MACROD2: variants seen among roughly 807,000 people sequenced by gnomAD.
MACROD2 encodes the protein mono-ADP ribosylhydrolase 2, also known as ADP-ribose glycohydrolase MACROD2.
A neutral mutation model predicts 70.4 loss-of-function variants in MACROD2; 36 were observed. The ratio of observed to expected loss-of-function variants is 0.51; its 90% CI spans 0.39 to 0.68. The LOEUF is 0.68. Ranked by LOEUF, MACROD2 falls within the 30% of genes least tolerant of loss-of-function variation. The pLI is 0.00. For synonymous variants in MACROD2, 172 were observed against 178.8 expected (o/e 0.96, Z 0.30); for missense variants, 496 against 538.4 (o/e 0.92, Z 0.78).
intron 8 of MACROD2, among the ~76,000 whole-genome samples, chr20:15,688,048 G>T (rs1316731839): frequency 6.6e-6 from 1 of 152,060 alleles, no homozygotes; most frequent in Non-Finnish European, 1.5e-5. Context: ...CATGCCCATT[G>T]CCTGAGGCCA....
At chr20:15,846,911 T>TTA (rs33993940) in intron 8 of MACROD2, among the ~76,000 whole-genome samples, 2,854 of 135,770 alleles carry the variant, frequency 0.021, 89 homozygotes, top group Non-Finnish European at 0.033. Context: ...AAAAAAAAAA[T>TTA]TATATATATA....
chr20:15,168,534 A>G (rs1168538734), intron 5 of MACROD2, among the ~76,000 whole-genome samples: 2 of 151,432 alleles, frequency 1.3e-5, no homozygotes, highest in Non-Finnish European at 2.9e-5. Context: ...GAAAGATGGA[A>G]TTGAAAGCAG....
At chr20:14,627,005 C>A (rs1319330532) in intron 4 of MACROD2, 2 of 152,172 alleles carry the variant, frequency 1.3e-5, no homozygotes, top group South Asian at 4.1e-4. Context: ...GACCTTGAGA[C>A]CACCTGTGTT....
rs2075019222 is a variant in MACROD2, at chr20:15,004,348, A to G, written c.419-225592A>G. Among the ~76,000 whole-genome samples, 4 of 152,220 alleles carry G rather than the reference A, an allele frequency of 2.6e-5. No homozygotes were observed. In the South Asian group the frequency reaches 8.3e-4, roughly 32 times the overall value. On this transcript the variant is annotated intron_variant, in intron 5 of 17. Coordinates refer to ENST00000684519, the MANE Select transcript of MACROD2 (RefSeq NM_001351661.2). ...GTTGACAGAAGCAGAAACAAGTCAT[A>G]AAAGTACCTTACAGTCAACTTCTAA... is the stretch of plus-strand genomic sequence containing the variant.
chr20:14,566,563 A>G (rs1979820780), intron 4 of MACROD2: 1 of 151,924 alleles, frequency 6.6e-6, no homozygotes, highest in Non-Finnish European at 1.5e-5. Context: ...TTTCAACCGT[A>G]AGATGGGTCA....
chr20:15,398,208 A>G (rs953421594), intron 6 of MACROD2, among the ~76,000 whole-genome samples: 1 of 152,198 alleles, frequency 6.6e-6, no homozygotes, highest in Non-Finnish European at 1.5e-5. Flanking sequence ...ATTCCTATCT[A>G]CTTTTTGATT....
chr20:15,522,753 G>A (rs1233774), intron 8 of MACROD2, among the ~76,000 whole-genome samples: 71,912 of 152,060 alleles, frequency 0.47, 19,695 homozygotes, highest in African/African-American at 0.76. Context: ...AGACTTGGAT[G>A]GCCTTTAGCT....
chr20:14,714,405 CCA>C, intron 5 of MACROD2, among the ~76,000 whole-genome samples: 1 of 152,266 alleles, frequency 6.6e-6, no homozygotes, highest in East Asian at 1.9e-4. Flanking sequence ...ACTCTGTTCT[CCA>C]CAGTTTCAGC....
intron 4 of MACROD2, among the ~76,000 whole-genome samples, chr20:14,655,387 T>C (rs1159784464): frequency 1.3e-5 from 2 of 151,774 alleles, no homozygotes; most frequent in African/African-American, 4.8e-5. Context: ...TGTGTTCCTG[T>C]CTGAGTTTTG....
chr20:15,989,937 A>G (rs1188871101), intron 15 of MACROD2, among the ~76,000 whole-genome samples: 1 of 152,092 alleles, frequency 6.6e-6, no homozygotes, highest in African/African-American at 2.4e-5. Context: ...TACATCTTCT[A>G]TGGCTCCCAG....
At chr20:15,095,064 C>A (rs6079659) in intron 5 of MACROD2, among the ~76,000 whole-genome samples, 3 of 89,296 alleles carry the variant, frequency 3.4e-5, no homozygotes, top group East Asian at 2.9e-4. Flanking sequence ...GTCTCCTCTT[C>A]TTTTTTTTTT....
At chr20:15,005,150 T>C (rs2075025933) in intron 5 of MACROD2, among the ~76,000 whole-genome samples, 1 of 152,156 alleles carries the variant, frequency 6.6e-6, no homozygotes, top group Non-Finnish European at 1.5e-5. Flanking sequence ...CCTTCAAACA[T>C]AAAAACAATT....
At chr20:15,276,255 C>T (rs1437949625) in intron 6 of MACROD2, among the ~76,000 whole-genome samples, 2 of 151,968 alleles carry the variant, frequency 1.3e-5, no homozygotes, top group Non-Finnish European at 2.9e-5. Flanking sequence ...AAGAAATTAG[C>T]TGGGCATGGT....
intron 1 of MACROD2, among the ~76,000 whole-genome samples, chr20:13,999,983 C>T (rs1018594232): frequency 1.3e-5 from 2 of 152,168 alleles, no homozygotes; most frequent in African/African-American, 2.4e-5. Context: ...TACTGCACTC[C>T]AGCCTGGTGA....
At chr20:15,515,301 A>G (rs2047552302) in intron 8 of MACROD2, among the ~76,000 whole-genome samples, 1 of 152,228 alleles carries the variant, frequency 6.6e-6, no homozygotes. Context: ...CAAATGATTA[A>G]CAAGCCCAGG....
chr20:14,243,940 A>G (rs2081948947), intron 3 of MACROD2, among the ~76,000 whole-genome samples: 1 of 152,180 alleles, frequency 6.6e-6, no homozygotes, highest in Non-Finnish European at 1.5e-5. Context: ...CAGGGCAAAA[A>G]CTACATCTAC....
intron 6 of MACROD2, among the ~76,000 whole-genome samples, chr20:15,370,329 G>C (rs573462907): frequency 6.6e-6 from 1 of 151,958 alleles, no homozygotes. Context: ...AAAAATGTAA[G>C]TCTGAGCTTC....
At chr20:15,054,665 A>G (rs1601006126) in intron 5 of MACROD2, among the ~76,000 whole-genome samples, 1 of 152,308 alleles carries the variant, frequency 6.6e-6, no homozygotes, top group East Asian at 1.9e-4. Flanking sequence ...AATATTGCTG[A>G]GATATGCCTG....
At chr20:14,209,820 G>T (rs932347687) in intron 3 of MACROD2, among the ~76,000 whole-genome samples, 3 of 152,234 alleles carry the variant, frequency 2.0e-5, no homozygotes, top group African/African-American at 4.8e-5. Context: ...CCACTTAGTC[G>T]CAAGGGAGGC....
Sources: gnomAD v4.1 joint callset for allele counts (sites outside exome capture counted in the v4.1 genomes callset) on GRCh38, gnomAD v4.1.1 for gene constraint, MANE v1.5 for transcripts, NCBI Gene and HGNC (gene_info 2026-07-23, HGNC 2026-07-21) for gene names.